Variants in TOGARAM1 observed in about 807,000 individuals in gnomAD.
TOGARAM1 encodes the protein TOG array regulator of axonemal microtubules protein 1.
A neutral mutation model predicts 166.6 loss-of-function variants in TOGARAM1; 100 were observed. The observed-to-expected ratio is 0.60, with a 90% CI of 0.51 to 0.71. TOGARAM1 has a LOEUF of 0.71. TOGARAM1 is among the 30% of genes least tolerant of loss of function. The pLI is 0.00. For missense variants in TOGARAM1, 2,029 were observed against 2,102.7 expected (o/e 0.96, Z 0.69); for synonymous variants, 758 against 763.8 (o/e 0.99, Z 0.13).
chr14:44,995,855 A>C lies in TOGARAM1; in HGVS notation c.2156A>C (p.Gln719Pro). The C allele has an allele frequency of 6.2e-7, 1 of 1,611,070 alleles. No homozygotes were observed. Among genetic ancestry groups the C allele is most frequent in the Non-Finnish European group, 8.5e-7 (1 of 1,179,068 alleles). Residue 719 changes from glutamine (Q) to proline (P), a missense_variant, in exon 2 of 20, where the codon CAG becomes CCG. This residue lies in a region of TOGARAM1 where 1,453 missense variants were observed against 1,432.2 expected (regional missense o/e 1.01). Coordinates refer to ENST00000361462, the MANE Select transcript of TOGARAM1 (RefSeq NM_001308120.2). ...SRKRVSRNLF[Q>P]NSRDFNPDCL... ...AAAAGAGTATCAAGAAACTTATTTC[A>C]GAATAGTCGGGATTTTAACCCAGAT...
At chr14:44,993,178 C>G (rs1887238050) in intron 1 of TOGARAM1, among the ~76,000 whole-genome samples, 1 of 151,916 alleles carries the variant, frequency 6.6e-6, no homozygotes, top group East Asian at 1.9e-4. Flanking sequence ...GTCCCAGCTA[C>G]TTGGGAGGCT....
chr14:45,027,577 A>T (rs906886955), intron 9 of TOGARAM1, 103 bp downstream of exon 9: 119 of 959,752 alleles, frequency 1.2e-4, no homozygotes, highest in African/African-American at 4.3e-4. Context: ...ATTAAAATTT[A>T]AAAAATCTTA....
At chr14:45,049,581 G>C (rs146648652) in intron 14 of TOGARAM1, among the ~76,000 whole-genome samples, 1 of 151,956 alleles carries the variant, frequency 6.6e-6, no homozygotes, top group African/African-American at 2.4e-5. Context: ...TCTTTTAAGC[G>C]CTCGTTTGAT....
At chr14:45,025,165 G>T (rs1368131251) in intron 7 of TOGARAM1, among the ~76,000 whole-genome samples, 6 of 152,142 alleles carry the variant, frequency 3.9e-5, no homozygotes, top group Non-Finnish European at 7.4e-5. Context: ...TCTGTTTTCT[G>T]ATGTCAGAGG....
chr14:45,072,205 G>A (rs1017243925), intron 19 of TOGARAM1, among the ~76,000 whole-genome samples: 1 of 152,174 alleles, frequency 6.6e-6, no homozygotes, highest in African/African-American at 2.4e-5. Flanking sequence ...GTTTAAGAAG[G>A]AGCAGGTTTG....
chr14:45,067,775 AAATT>A (rs1451847457), intron 17 of TOGARAM1, among the ~76,000 whole-genome samples: 1 of 152,144 alleles, frequency 6.6e-6, no homozygotes, highest in African/African-American at 2.4e-5. Context: ...TAAGTATTAG[AAATT>A]ATTAGTGAAT....
intron 1 of TOGARAM1, among the ~76,000 whole-genome samples, chr14:44,974,020 T>C (rs1886048325): frequency 6.6e-6 from 1 of 151,914 alleles, no homozygotes; most frequent in South Asian, 2.1e-4. Flanking sequence ...CTCCTGGTTT[T>C]TCTCTGAGTT....
chr14:44,995,132 C>T (rs1344351612), intron 1 of TOGARAM1, among the ~76,000 whole-genome samples: 1 of 152,088 alleles, frequency 6.6e-6, no homozygotes, highest in East Asian at 1.9e-4. Flanking sequence ...TATCCTGGCA[C>T]CTTTGTTCCT....
intron 7 of TOGARAM1, among the ~76,000 whole-genome samples, chr14:45,013,190 C>T (rs1179480443): frequency 6.6e-6 from 1 of 152,198 alleles, no homozygotes; most frequent in African/African-American, 2.4e-5. Flanking sequence ...ATCCATACCA[C>T]ACCCTATTTA....
intron 19 of TOGARAM1, among the ~76,000 whole-genome samples, chr14:45,073,095 C>G (rs1359106501): frequency 1.3e-5 from 2 of 152,160 alleles, no homozygotes; most frequent in Admixed American, 1.3e-4. Context: ...ACTAATTGTT[C>G]TATATGGGAT....
intron 16 of TOGARAM1, among the ~76,000 whole-genome samples, chr14:45,057,894 A>C (rs550329996): frequency 6.6e-6 from 1 of 152,316 alleles, no homozygotes; most frequent in East Asian, 1.9e-4. Flanking sequence ...CCATGTGCTG[A>C]TGAGAAAGAT....
chr14:44,986,190 C>CTAA (rs1312273311), intron 1 of TOGARAM1, among the ~76,000 whole-genome samples: 1 of 152,186 alleles, frequency 6.6e-6, no homozygotes, highest in Non-Finnish European at 1.5e-5. Flanking sequence ...CTATATCATA[C>CTAA]TAATATTATT....
At chr14:45,018,035 G>A (rs1352251456) in intron 7 of TOGARAM1, among the ~76,000 whole-genome samples, 1 of 152,144 alleles carries the variant, frequency 6.6e-6, no homozygotes, top group Non-Finnish European at 1.5e-5. Flanking sequence ...TGGTTTTGAA[G>A]GGTATAAATA....
At chr14:44,992,201 A>G (rs1445032752) in intron 1 of TOGARAM1, among the ~76,000 whole-genome samples, 2 of 151,964 alleles carry the variant, frequency 1.3e-5, no homozygotes, top group African/African-American at 2.4e-5. Flanking sequence ...AAATCAGGAT[A>G]TAAAGTTTAC....
chr14:45,045,541 GTGTATATATATATATATATATATATA>G (rs1330157005), intron 13 of TOGARAM1, among the ~76,000 whole-genome samples: 3 of 50,368 alleles, frequency 6.0e-5, no homozygotes, highest in Admixed American at 3.0e-4. Flanking sequence ...TGGTCTGTGT[GTGTATATATATATATATATATATATA>G]TATATATATA....
At chr14:44,985,317 G>A (rs1044999042) in intron 1 of TOGARAM1, among the ~76,000 whole-genome samples, 6 of 152,128 alleles carry the variant, frequency 3.9e-5, no homozygotes, top group Non-Finnish European at 7.4e-5. Context: ...CTGGCTTTCA[G>A]ATCCTTTTTA....
intron 7 of TOGARAM1, among the ~76,000 whole-genome samples, chr14:45,020,052 C>T (rs1201377527): frequency 6.6e-6 from 1 of 152,098 alleles, no homozygotes; most frequent in Non-Finnish European, 1.5e-5. Flanking sequence ...TGTAGCTTTA[C>T]CGCTTCGATT....
chr14:45,028,098 A>C, intron 9 of TOGARAM1, 78 bp from the exon 10 acceptor site: 1 of 1,274,814 alleles, frequency 7.8e-7, no homozygotes, highest in Non-Finnish European at 1.1e-6. Flanking sequence ...CCTCAGACAC[A>C]AATTAGTTAT....
chr14:45,010,181 ATC>A (rs200334093), intron 6 of TOGARAM1, among the ~76,000 whole-genome samples: 9,088 of 152,260 alleles, frequency 0.06, 681 homozygotes, highest in African/African-American at 0.18. Context: ...TTCTAAATAG[ATC>A]ATAATGTTTT....
Sources: gnomAD v4.1 joint callset for allele counts (sites outside exome capture counted in the v4.1 genomes callset) on GRCh38, gnomAD v4.1.1 for gene constraint, gnomAD v4.1.1 regional missense constraint, MANE v1.5 for transcripts, NCBI Gene and HGNC (gene_info 2026-07-23, HGNC 2026-07-21) for gene names.